Variants in LRRC18 observed in about 807,000 individuals in gnomAD.
The protein encoded by LRRC18 is leucine rich repeat containing 18, also known as leucine-rich repeat-containing protein 18.
Under a neutral mutation model 11.2 loss-of-function variants are expected in LRRC18, and 12 were observed. The observed-to-expected ratio is 1.07, with a 90% confidence interval of 0.69 to 1.74. The LOEUF is 1.74. Among genes scored for constraint, LRRC18 ranks in the 40% most tolerant of loss-of-function variants. The pLI, the probability that LRRC18 is intolerant of heterozygous loss-of-function variation, is 0.00. For synonymous variants in LRRC18, 155 were observed against 130.6 expected, an observed-to-expected ratio of 1.19 and a Z score of -1.27; for missense variants, 374 against 330.5, an observed-to-expected ratio of 1.13 and a Z score of -1.02.
At chr10:48,934,084 G>A in the LRRC18 span, among the ~76,000 whole-genome samples, 1 of 152,164 alleles carries the variant, frequency 6.6e-6, no homozygotes, top group Non-Finnish European at 1.5e-5. Context: ...GATCAGAGCA[G>A]CTTACAGGCC....
chr10:48,924,581 A>G, the LRRC18 span, among the ~76,000 whole-genome samples: 1 of 152,256 alleles, frequency 6.6e-6, no homozygotes, highest in East Asian at 1.9e-4. Flanking sequence ...CTCAAATATA[A>G]GAGGTTTCTA....
the LRRC18 span, among the ~76,000 whole-genome samples, chr10:48,938,955 G>T: frequency 6.6e-6 from 1 of 152,154 alleles, no homozygotes; most frequent in Non-Finnish European, 1.5e-5. Flanking sequence ...CCGGGTAACC[G>T]CCACAATCCT....
chr10:48,915,424 T>TC (rs1838428276), upstream of LRRC18, among the ~76,000 whole-genome samples: 1 of 151,156 alleles, frequency 6.6e-6, no homozygotes, highest in South Asian at 2.1e-4. Context: ...CTGATTTTTT[T>TC]TTTTGGACCA....
the LRRC18 span, among the ~76,000 whole-genome samples, chr10:48,936,922 A>C: frequency 2.2e-5 from 3 of 136,236 alleles, no homozygotes; most frequent in African/African-American, 4.9e-5. Flanking sequence ...TATAAACTTC[A>C]GGTTTTGTTT....
At chr10:48,917,212 A>T (rs1315170635), upstream of LRRC18, among the ~76,000 whole-genome samples, 1 of 152,188 alleles carries the variant, frequency 6.6e-6, no homozygotes, top group Non-Finnish European at 1.5e-5. Flanking sequence ...CTAAGGATGT[A>T]TTTCTCAGAA....
the LRRC18 span, among the ~76,000 whole-genome samples, chr10:48,930,928 A>T: frequency 1.3e-5 from 2 of 152,162 alleles, no homozygotes; most frequent in Non-Finnish European, 2.9e-5. Flanking sequence ...GGAGAGAAAG[A>T]ACGCCAAGAA....
chr10:48,924,052 C>T, the LRRC18 span, among the ~76,000 whole-genome samples: 1 of 152,238 alleles, frequency 6.6e-6, no homozygotes, highest in African/African-American at 2.4e-5. Context: ...AGGAGCCTCT[C>T]TCCAAAGGGC....
the LRRC18 span, among the ~76,000 whole-genome samples, chr10:48,933,516 T>C: frequency 6.6e-6 from 1 of 152,238 alleles, no homozygotes; most frequent in African/African-American, 2.4e-5. Flanking sequence ...TGACTCATCA[T>C]GTTCTGCAGA....
At chr10:48,924,756 C>A in the LRRC18 span, among the ~76,000 whole-genome samples, 10 of 152,264 alleles carry the variant, frequency 6.6e-5, no homozygotes, top group African/African-American at 2.4e-4. Context: ...AAAGTAATGG[C>A]AACCAATATA....
At chr10:48,912,052 TG>T (rs1221266280) in intron 1 of LRRC18, among the ~76,000 whole-genome samples, 3 of 152,328 alleles carry the variant, frequency 2.0e-5, no homozygotes, top group Non-Finnish European at 2.9e-5. Flanking sequence ...AGGAAAGTCC[TG>T]GGGGAAAAAA....
the LRRC18 span, among the ~76,000 whole-genome samples, chr10:48,937,947 C>A: frequency 5.3e-5 from 8 of 152,276 alleles, no homozygotes; most frequent in African/African-American, 1.9e-4. Context: ...CTGCCCCCAG[C>A]ATCTCCCCAG....
chr10:48,925,173 C>T, the LRRC18 span, among the ~76,000 whole-genome samples: 2 of 152,198 alleles, frequency 1.3e-5, no homozygotes, highest in Non-Finnish European at 2.9e-5. Flanking sequence ...TTCTCTCTCC[C>T]GACCCTCATA....
chr10:48,936,597 G>T, the LRRC18 span, among the ~76,000 whole-genome samples: 2 of 122,802 alleles, frequency 1.6e-5, no homozygotes, highest in Non-Finnish European at 4.0e-5. Flanking sequence ...CAGCACTTTC[G>T]GAGGCCGAAG....
the LRRC18 span, among the ~76,000 whole-genome samples, chr10:48,931,135 C>T: frequency 1.3e-5 from 2 of 148,888 alleles, no homozygotes; most frequent in East Asian, 3.9e-4. Flanking sequence ...ACACACGATT[C>T]CGCTTCTTTT....
chr10:48,937,541 A>C, the LRRC18 span, among the ~76,000 whole-genome samples: 2 of 152,110 alleles, frequency 1.3e-5, no homozygotes, highest in Non-Finnish European at 2.9e-5. Flanking sequence ...CCACACCTCC[A>C]TATCTTCATC....
chr10:48,928,923 G>T, the LRRC18 span, among the ~76,000 whole-genome samples: 20,952 of 152,228 alleles, frequency 0.14, 1,640 homozygotes, highest in Middle Eastern at 0.2. Flanking sequence ...ACTGTTCCAG[G>T]CAGCAAAGAA....
the LRRC18 span, among the ~76,000 whole-genome samples, chr10:48,933,320 C>G: frequency 4.2e-4 from 64 of 152,342 alleles, no homozygotes; most frequent in African/African-American, 1.5e-3. Context: ...AATCTAGTCA[C>G]TCCACTTCAC....
At chr10:48,929,631 A>G in the LRRC18 span, among the ~76,000 whole-genome samples, 1 of 152,218 alleles carries the variant, frequency 6.6e-6, no homozygotes, top group East Asian at 1.9e-4. Flanking sequence ...CTATACACTA[A>G]CGATTGCCCG....
At chr10:48,936,376 A>G in the LRRC18 span, among the ~76,000 whole-genome samples, 5 of 152,168 alleles carry the variant, frequency 3.3e-5, no homozygotes, top group Non-Finnish European at 7.3e-5. Flanking sequence ...CTCAAATTCT[A>G]CTACCCAGTA....
Sources: allele counts gnomAD v4.1 joint callset (sites outside exome capture counted in the v4.1 genomes callset), GRCh38; gene constraint gnomAD v4.1.1; transcripts MANE v1.5; gene names NCBI Gene and HGNC (gene_info 2026-07-23, HGNC 2026-07-21).